The following CNTNAP2 variants were observed in gnomAD, a reference collection of about 807,000 sequenced individuals.
CNTNAP2 encodes the protein contactin-associated protein-like 2.
CNTNAP2 carries 98 observed loss-of-function variants against 155.2 expected under a neutral mutation model. The observed-to-expected ratio is 0.63, with a 90% CI of 0.54 to 0.75. CNTNAP2 has a LOEUF of 0.75. Among genes scored for constraint, CNTNAP2 ranks in the 30% least tolerant of loss-of-function variants. The probability of loss-of-function intolerance (pLI) is 0.00; values close to 1 mark genes in which losing one functional copy is unlikely to be tolerated. For synonymous variants in CNTNAP2, 651 were observed against 631.2 expected (o/e 1.03, Z -0.47); for missense variants, 1,727 against 1,688.1 (o/e 1.02, Z -0.40).
At chr7:146,887,060 A>T (rs1188797590) in intron 3 of CNTNAP2, among the ~76,000 whole-genome samples, 1 of 151,504 alleles carries the variant, frequency 6.6e-6, no homozygotes, top group African/African-American at 2.4e-5. Flanking sequence ...CAGTCTCCTT[A>T]TTTACTCTTC....
intron 8 of CNTNAP2, among the ~76,000 whole-genome samples, chr7:147,250,530 T>G (rs1804174633): frequency 6.6e-6 from 1 of 151,960 alleles, no homozygotes; most frequent in Non-Finnish European, 1.5e-5. Context: ...CCTTATCCAC[T>G]AAGCACCCCC....
chr7:147,682,579 T>A (rs1426738633), intron 13 of CNTNAP2, among the ~76,000 whole-genome samples: 2 of 151,920 alleles, frequency 1.3e-5, no homozygotes, highest in African/African-American at 2.4e-5. Flanking sequence ...ACTACACATC[T>A]GGTGCATAAT....
At chr7:146,985,308 ATTTTTTTTTTTTTT>A (rs71165057) in intron 3 of CNTNAP2, among the ~76,000 whole-genome samples, 82,504 of 129,248 alleles carry the variant, frequency 0.64, 24,927 homozygotes, top group East Asian at 0.93. Context: ...AAATGCTTGA[ATTTTTTTTTTTTTT>A]TTTTTTTTTT....
At chr7:146,611,419 T>C in intron 1 of CNTNAP2, among the ~76,000 whole-genome samples, 1 of 152,306 alleles carries the variant, frequency 6.6e-6, no homozygotes, top group East Asian at 1.9e-4. Context: ...AATAAACTAC[T>C]AGTGTTTTAG....
chr7:146,639,872 C>T (rs1276304204), intron 1 of CNTNAP2, among the ~76,000 whole-genome samples: 2 of 152,122 alleles, frequency 1.3e-5, no homozygotes, highest in Admixed American at 6.5e-5. Context: ...TGGCAGAGTC[C>T]GAAGAAGAGG....
chr7:147,731,144 A>T (rs1796732281), intron 13 of CNTNAP2, among the ~76,000 whole-genome samples: 1 of 152,190 alleles, frequency 6.6e-6, no homozygotes, highest in African/African-American at 2.4e-5. Flanking sequence ...GCAACAAGTT[A>T]TCTAGAAGGT....
At chr7:147,989,201 G>A (rs967710811) in intron 15 of CNTNAP2, among the ~76,000 whole-genome samples, 2 of 152,206 alleles carry the variant, frequency 1.3e-5, no homozygotes, top group African/African-American at 4.8e-5. Context: ...TGTGGCTGCT[G>A]CTAGCCAACA....
chr7:147,069,561 G>A (rs1177606948), intron 4 of CNTNAP2, among the ~76,000 whole-genome samples: 3 of 152,152 alleles, frequency 2.0e-5, no homozygotes, highest in Middle Eastern at 3.4e-3. Context: ...TTCTGGGATG[G>A]GACAGTAAGA....
intron 11 of CNTNAP2, among the ~76,000 whole-genome samples, chr7:147,552,663 C>T (rs1799874910): frequency 6.6e-6 from 1 of 151,888 alleles, no homozygotes; most frequent in Non-Finnish European, 1.5e-5. Context: ...TAGTGAATCA[C>T]ATCCCTCACT....
chr7:147,781,250 TA>T (rs1797657400), intron 13 of CNTNAP2, among the ~76,000 whole-genome samples: 2 of 152,316 alleles, frequency 1.3e-5, no homozygotes, highest in African/African-American at 4.8e-5. Context: ...ATTTACTTAA[TA>T]AAATCAAGTT....
At chr7:147,367,925 C>T (rs924347797) in intron 9 of CNTNAP2, among the ~76,000 whole-genome samples, 6 of 151,974 alleles carry the variant, frequency 3.9e-5, no homozygotes, top group Admixed American at 6.5e-5. Context: ...CGGTCAGGTC[C>T]TTCCAGGCAT....
At chr7:146,807,788 A>G (rs1400000374) in intron 2 of CNTNAP2, among the ~76,000 whole-genome samples, 1 of 151,938 alleles carries the variant, frequency 6.6e-6, no homozygotes, top group Non-Finnish European at 1.5e-5. Flanking sequence ...CTAAAAAAAT[A>G]TATATGTCTC....
chr7:147,798,148 C>T (rs967199016), intron 13 of CNTNAP2, among the ~76,000 whole-genome samples: 15 of 152,046 alleles, frequency 9.9e-5, no homozygotes, highest in African/African-American at 2.7e-4. Flanking sequence ...TCACAGTGCA[C>T]GGAGAACTTC....
At chr7:148,314,493 C>CACAG (rs1225320605) in intron 21 of CNTNAP2, among the ~76,000 whole-genome samples, 1 of 151,992 alleles carries the variant, frequency 6.6e-6, no homozygotes, top group African/African-American at 2.4e-5. Flanking sequence ...TTTTTAAGAA[C>CACAG]ACAGGCTAAG....
intron 1 of CNTNAP2, among the ~76,000 whole-genome samples, chr7:146,678,869 TAATA>T (rs1800450366): frequency 6.6e-6 from 1 of 152,210 alleles, no homozygotes; most frequent in South Asian, 2.1e-4. Flanking sequence ...CTAATACTTA[TAATA>T]AATAATTTGT....
At chr7:146,662,442 T>A (rs1308100798) in intron 1 of CNTNAP2, among the ~76,000 whole-genome samples, 1 of 152,146 alleles carries the variant, frequency 6.6e-6, no homozygotes, top group Non-Finnish European at 1.5e-5. Context: ...CAGCCCAGTT[T>A]GTTTTGTTTT....
chr7:148,230,222 CT>C (rs1371426523), intron 20 of CNTNAP2, among the ~76,000 whole-genome samples: 2 of 152,196 alleles, frequency 1.3e-5, no homozygotes, highest in Non-Finnish European at 2.9e-5. Flanking sequence ...TCTGCAGAGC[CT>C]TTGTCTTAAA....
chr7:147,225,996 AAAG>A (rs755487075), intron 8 of CNTNAP2, among the ~76,000 whole-genome samples: 5 of 152,110 alleles, frequency 3.3e-5, no homozygotes, highest in African/African-American at 7.2e-5. Flanking sequence ...AGAAAGAAAG[AAAG>A]AAAGAATGAA....
rs560058481 is a variant in CNTNAP2, at chr7:148,411,055, A to T, written c.3796+1584A>T. Among the ~76,000 whole-genome samples, 423 of 152,318 alleles carry T rather than the reference A, an allele frequency of 2.8e-3. 5 individuals are homozygous for T. The highest frequency in any genetic ancestry group is 9.7e-3 in the African/African-American group (405 of 41,572). ...TGTATCAGAAGATTTAACAAGCTGT[A>T]GCATCTAAAATATTCCAGTGTTTTC... On this transcript the variant is annotated intron_variant, in intron 23 of 23. Transcript: ENST00000361727.
Sources: allele counts gnomAD v4.1 joint callset (sites outside exome capture counted in the v4.1 genomes callset), GRCh38; gene constraint gnomAD v4.1.1; transcripts MANE v1.5; gene names NCBI Gene and HGNC (gene_info 2026-07-23, HGNC 2026-07-21).